Variants in CNTN3 observed in about 807,000 individuals in gnomAD.
The protein encoded by CNTN3 is contactin 3, also known as contactin-3.
A neutral mutation model predicts 119.1 loss-of-function variants in CNTN3; 60 were observed. The observed-to-expected ratio is 0.50, with a 90% CI of 0.41 to 0.62. The LOEUF (loss-of-function observed/expected upper bound fraction) is 0.62, where lower values mean the gene tolerates loss of function less well. CNTN3 is among the 20% of genes least tolerant of loss of function. The pLI is 0.00. For missense variants in CNTN3, 1,101 were observed against 1,242.4 expected, an observed-to-expected ratio of 0.89 and a Z score of 1.71; for synonymous variants, 450 against 438.7, an observed-to-expected ratio of 1.03 and a Z score of -0.32.
At chr3:74,312,023 G>C (rs1388091330) in intron 13 of CNTN3, among the ~76,000 whole-genome samples, 1 of 152,118 alleles carries the variant, frequency 6.6e-6, no homozygotes, top group African/African-American at 2.4e-5. Context: ...CTGCACACTT[G>C]TGTTAATTTT....
At chr3:74,588,187 G>A (rs1704632238) in intron 1 of CNTN3, among the ~76,000 whole-genome samples, 1 of 152,028 alleles carries the variant, frequency 6.6e-6, no homozygotes, top group Non-Finnish European at 1.5e-5. Context: ...CGGTTTGCCA[G>A]TATTTTATTG....
At chr3:74,381,206 G>T (rs559995374) in intron 5 of CNTN3, among the ~76,000 whole-genome samples, 9 of 151,252 alleles carry the variant, frequency 6.0e-5, no homozygotes, top group Non-Finnish European at 1.2e-4. Context: ...ATCTTAAAAG[G>T]AATCTTTTAT....
chr3:74,581,443 A>C (rs967002221), intron 1 of CNTN3, among the ~76,000 whole-genome samples: 1 of 152,190 alleles, frequency 6.6e-6, no homozygotes, highest in Non-Finnish European at 1.5e-5. Flanking sequence ...CTACACTAAA[A>C]CCCACAAATA....
At chr3:74,577,991 A>C (rs965523600) in intron 1 of CNTN3, among the ~76,000 whole-genome samples, 2 of 152,128 alleles carry the variant, frequency 1.3e-5, no homozygotes, top group African/African-American at 4.8e-5. Flanking sequence ...AATGTTCTGT[A>C]CTTTTATTGA....
At chr3:74,427,280 T>C (rs9869828) in intron 4 of CNTN3, among the ~76,000 whole-genome samples, 70,230 of 151,960 alleles carry the variant, frequency 0.46, 16,624 homozygotes, top group East Asian at 0.69. Flanking sequence ...GAGGACTGCA[T>C]AGTTAATCTA....
At chr3:74,548,452 T>C (rs910713260) in intron 1 of CNTN3, among the ~76,000 whole-genome samples, 1 of 152,212 alleles carries the variant, frequency 6.6e-6, no homozygotes, top group Non-Finnish European at 1.5e-5. Context: ...TATAGGCATA[T>C]GGTTTTTCCA....
chr3:74,364,272 C>G (rs528920830), intron 10 of CNTN3, among the ~76,000 whole-genome samples, 195 bp downstream of exon 10: 1 of 152,216 alleles, frequency 6.6e-6, no homozygotes, highest in African/African-American at 2.4e-5. Context: ...GTCCTCAATT[C>G]TGGCCATAAT....
intron 1 of CNTN3, among the ~76,000 whole-genome samples, chr3:74,550,134 A>G (rs1703969412): frequency 6.6e-6 from 1 of 152,204 alleles, no homozygotes; most frequent in African/African-American, 2.4e-5. Context: ...CAGACCATCT[A>G]GCTGCACATG....
chr3:74,524,970 G>A (rs978738862), intron 1 of CNTN3, among the ~76,000 whole-genome samples: 14 of 151,826 alleles, frequency 9.2e-5, no homozygotes, highest in Admixed American at 2.6e-4. Flanking sequence ...GGTATGAAAT[G>A]AGACTGCAGA....
intron 5 of CNTN3, among the ~76,000 whole-genome samples, chr3:74,412,250 G>A (rs1037332736): frequency 6.6e-6 from 1 of 152,106 alleles, no homozygotes; most frequent in Non-Finnish European, 1.5e-5. Context: ...CCCCTACTCT[G>A]TTGTGCTTAG....
Position 74,295,375 on chromosome 3 carries a change from T to C in CNTN3, c.2402-139A>G, listed in dbSNP as rs893975785. 1.7e-5 allele frequency: 9 copies of C among 536,870 alleles called. No homozygotes were observed. The South Asian group carries it at 1.8e-4, about 11-fold the overall frequency. The allele number at this position is 536,870 out of a possible 1,614,324, so 33.3% of individuals were successfully genotyped here. A position where few individuals can be genotyped will look rare whatever the true frequency, so the allele number is the denominator to read the frequency against. ...ATATTCTGGCACCATATGTTGAAAA[T>C]AGAGACACTGGTCCATTTCCGTTTC... is the stretch of plus-strand genomic sequence containing the variant. On this transcript the variant is annotated intron_variant, in intron 18 of 22. Transcript: ENST00000263665.
chr3:74,519,960 T>C (rs1703514988), intron 2 of CNTN3, among the ~76,000 whole-genome samples: 1 of 151,694 alleles, frequency 6.6e-6, no homozygotes, highest in African/African-American at 2.4e-5. Flanking sequence ...TTGAAGCATG[T>C]TTGAACTTTG....
chr3:74,492,916 T>C (rs2107061665), intron 3 of CNTN3, among the ~76,000 whole-genome samples: 1 of 152,274 alleles, frequency 6.6e-6, no homozygotes. Flanking sequence ...GTTGAATTTC[T>C]ACCATCAGGC....
chr3:74,455,810 T>C (rs9681000), intron 4 of CNTN3, among the ~76,000 whole-genome samples: 79,825 of 151,756 alleles, frequency 0.53, 21,429 homozygotes, highest in Non-Finnish European at 0.57. Flanking sequence ...CAAGCTTCAC[T>C]GTGCATCAAA....
chr3:74,515,117 G>A (rs1703429723), intron 2 of CNTN3, among the ~76,000 whole-genome samples: 1 of 152,038 alleles, frequency 6.6e-6, no homozygotes, highest in Non-Finnish European at 1.5e-5. Context: ...AATAGAGGAA[G>A]GGACCCTCAA....
chr3:74,583,126 A>G (rs79622374), intron 1 of CNTN3, among the ~76,000 whole-genome samples: 2,151 of 152,182 alleles, frequency 0.014, 19 homozygotes, highest in Middle Eastern at 0.024. Context: ...GGCTGTCAGT[A>G]GTTGTTTGGT....
intron 5 of CNTN3, among the ~76,000 whole-genome samples, chr3:74,392,330 C>T (rs752664811): frequency 3.9e-5 from 6 of 152,096 alleles, no homozygotes; most frequent in Non-Finnish European, 8.8e-5. Flanking sequence ...CCTCCCTTTC[C>T]TGTTTTCTTT....
At chr3:74,486,774 C>A in intron 3 of CNTN3, 143 bp from the exon 4 acceptor site, 1 of 632,960 alleles carries the variant, frequency 1.6e-6, no homozygotes. Context: ...AACTGAAGAT[C>A]AAATATGCCC....
intron 3 of CNTN3, among the ~76,000 whole-genome samples, chr3:74,490,789 C>T (rs2107056370): frequency 6.6e-6 from 1 of 152,282 alleles, no homozygotes; most frequent in Non-Finnish European, 1.5e-5. Flanking sequence ...AAAATATGTT[C>T]CTGCATTTTT....
Sources: allele counts gnomAD v4.1 joint callset (sites outside exome capture counted in the v4.1 genomes callset), GRCh38; gene constraint gnomAD v4.1.1; transcripts MANE v1.5; gene names NCBI Gene and HGNC (gene_info 2026-07-23, HGNC 2026-07-21).